Variants in GALNT18 observed in about 807,000 individuals in gnomAD.
GALNT18 encodes GalNAc-transferase 18.
GALNT18 carries 44 observed loss-of-function variants against 69.5 expected under a neutral mutation model. The ratio of observed to expected loss-of-function variants is 0.63; its 90% CI spans 0.50 to 0.81. The LOEUF (loss-of-function observed/expected upper bound fraction) is 0.81. GALNT18 is among the 40% of genes least tolerant of loss of function. The probability of loss-of-function intolerance (pLI) is 0.00; values close to 1 mark genes in which losing one functional copy is unlikely to be tolerated. For synonymous variants in GALNT18, 364 were observed against 318.2 expected (o/e 1.14, Z -1.53); for missense variants, 715 against 810.0 (o/e 0.88, Z 1.42).
At chr11:11,305,639 C>A (rs1849565092) in intron 9 of GALNT18, among the ~76,000 whole-genome samples, 2 of 152,084 alleles carry the variant, frequency 1.3e-5, no homozygotes, top group African/African-American at 2.4e-5. Context: ...ATTTACTCAT[C>A]AGTGGAAACA....
rs1202202197 is a variant in GALNT18 at position 11,497,846 on chromosome 11, C to T, written c.236-48910G>A. On this transcript the variant is annotated intron_variant, in intron 1 of 10. Transcript: ENST00000227756. This position sits in a 1 kb window ranked among gnomAD's most constrained non-coding sequence, Gnocchi z 4.2. ...TTCATGCTAATATTTTGGTGTAAGG[C>T]CAAGGCTTCTATTTGAGCTGTGTCT... Among the ~76,000 whole-genome samples the T allele has an allele frequency of 6.6e-6, 1 of 151,560 alleles. No individual in the cohort carries two copies. Among genetic ancestry groups the T allele is most frequent in the Non-Finnish European group, 1.5e-5 (1 of 67,964 alleles).
intron 6 of GALNT18, among the ~76,000 whole-genome samples, chr11:11,370,214 G>A (rs1850867662): frequency 6.6e-6 from 1 of 152,210 alleles, no homozygotes; most frequent in Non-Finnish European, 1.5e-5. Flanking sequence ...TTCCAGATAG[G>A]TAAGGACTTT....
intron 1 of GALNT18, among the ~76,000 whole-genome samples, chr11:11,512,776 C>T (rs913327790): frequency 1.3e-5 from 2 of 152,170 alleles, no homozygotes; most frequent in African/African-American, 4.8e-5. Context: ...TATTACCATG[C>T]TCTGCTACTC....
chr11:11,457,992 A>G (rs1855960595), intron 1 of GALNT18, among the ~76,000 whole-genome samples: 1 of 152,182 alleles, frequency 6.6e-6, no homozygotes, highest in African/African-American at 2.4e-5. Flanking sequence ...GGTGCCAGGT[A>G]TCTGTCTGCC....
chr11:11,607,289 G>A (rs1432074164), intron 1 of GALNT18, among the ~76,000 whole-genome samples: 1 of 152,066 alleles, frequency 6.6e-6, no homozygotes. Context: ...TATTTTTATT[G>A]TTTCATTAAA....
At chr11:11,384,947 C>A (rs1854013167) in intron 3 of GALNT18, among the ~76,000 whole-genome samples, 1 of 152,146 alleles carries the variant, frequency 6.6e-6, no homozygotes, top group Admixed American at 6.5e-5. Context: ...TAAACAAATA[C>A]CTGAGGCTGG....
intron 1 of GALNT18, among the ~76,000 whole-genome samples, chr11:11,521,214 G>C (rs1403340246): frequency 6.6e-6 from 1 of 152,014 alleles, no homozygotes; most frequent in Non-Finnish European, 1.5e-5. Flanking sequence ...CACCTCACTA[G>C]CGAGCTAGAA....
intron 3 of GALNT18, among the ~76,000 whole-genome samples, chr11:11,412,477 G>C (rs150935505): frequency 2.0e-5 from 3 of 152,228 alleles, no homozygotes; most frequent in African/African-American, 7.2e-5. Context: ...TCATCAGATG[G>C]CCCTACTCTG....
chr11:11,292,974 A>C, intron 10 of GALNT18, 55 bp downstream of exon 10: 1 of 1,328,428 alleles, frequency 7.5e-7, no homozygotes, highest in Non-Finnish European at 9.7e-7. Flanking sequence ...CCCTGAGGCC[A>C]CTCTCCTGGT....
chr11:11,558,948 A>G (rs946402054), intron 1 of GALNT18, among the ~76,000 whole-genome samples: 2 of 152,246 alleles, frequency 1.3e-5, no homozygotes, highest in Non-Finnish European at 2.9e-5. Flanking sequence ...GAGGCTGCAC[A>G]GCACAGGAGT....
intron 6 of GALNT18, among the ~76,000 whole-genome samples, chr11:11,355,129 C>T (rs530836282): frequency 6.6e-6 from 1 of 152,294 alleles, no homozygotes; most frequent in Admixed American, 6.5e-5. Flanking sequence ...CCCTCCAATC[C>T]ACTTTTTAAA....
rs1037852615 is a variant in GALNT18, at chr11:11,540,888, G to A, written c.235+80471C>T. 6.6e-6 allele frequency among the ~76,000 whole-genome samples: 1 copy of A among 152,174 alleles called. No individual in the cohort carries two copies. Among genetic ancestry groups the A allele is most frequent in the African/African-American group, 2.4e-5 (1 of 41,452 alleles). ...TATTCAGACACTGGGTTGTCAGAAG[G>A]AAAATGGGTTAGAAAATCCTCCCAG... On this transcript the variant is annotated intron_variant, in intron 1 of 10. Coordinates refer to ENST00000227756, the MANE Select transcript of GALNT18 (RefSeq NM_198516.3). This position sits in a 1 kb window ranked among gnomAD's most constrained non-coding sequence, Gnocchi z 4.6.
chr11:11,531,465 G>T (rs961020215), intron 1 of GALNT18, among the ~76,000 whole-genome samples: 1 of 152,208 alleles, frequency 6.6e-6, no homozygotes, highest in Non-Finnish European at 1.5e-5. Context: ...CATCGGGCTG[G>T]TTACTCTCCC....
intron 9 of GALNT18, among the ~76,000 whole-genome samples, chr11:11,311,095 G>C (rs2133029132): frequency 6.6e-6 from 1 of 152,264 alleles, no homozygotes; most frequent in East Asian, 1.9e-4. Flanking sequence ...GACACTGCTG[G>C]TGTCAGGGTC....
chr11:11,277,326 G>C (rs1330100169), intron 10 of GALNT18, among the ~76,000 whole-genome samples: 1 of 152,168 alleles, frequency 6.6e-6, no homozygotes, highest in African/African-American at 2.4e-5. Flanking sequence ...TCTGATGGTA[G>C]TTTGTATTTC....
rs73409867 is a variant in GALNT18 at position 11,566,958 on chromosome 11, A to C, written c.235+54401T>G. On this transcript the variant is annotated intron_variant, in intron 1 of 10. Transcript: ENST00000227756. Reference sequence around the variant, plus strand: ...AGAAGGTCATTTGAATGGGAAAATGAGTGCAGCTTCCTGGATCCTGCTTAG... The same window carrying C: ...AGAAGGTCATTTGAATGGGAAAATGCGTGCAGCTTCCTGGATCCTGCTTAG... 7.7e-3 allele frequency among the ~76,000 whole-genome samples: 1,177 copies of C among 152,310 alleles called. 16 individuals are homozygous for C. Among genetic ancestry groups the C allele is most frequent in the African/African-American group, 0.027 (1,120 of 41,564 alleles).
At chr11:11,374,881 C>T (rs1332553719) in intron 5 of GALNT18, among the ~76,000 whole-genome samples, 1 of 152,178 alleles carries the variant, frequency 6.6e-6, no homozygotes, top group Non-Finnish European at 1.5e-5. Context: ...GAAAGCTTGC[C>T]TTTGAGTTTC....
In GALNT18 at chr11:11,586,835, A is replaced by AC. The variant is rs201763974; in HGVS notation, c.235+34523_235+34524insG. ...CTAAAAACACACACACACACACACA[A>AC]AAAAAAGCCAGGTGTGGTGGCGGGC... On this transcript the variant is annotated intron_variant, in intron 1 of 10. Transcript: ENST00000227756. The surrounding 1 kb of genome is among the most constrained non-coding windows in gnomAD (Gnocchi z 4.1). 0.042 allele frequency among the ~76,000 whole-genome samples: 2,728 copies of AC among 65,682 alleles called. 80 individuals carry two copies. Among genetic ancestry groups the AC allele is most frequent in the African/African-American group, 0.099 (2,516 of 25,458 alleles). 43.1% of individuals were successfully genotyped at this position (65,682 alleles called of 152,430 possible). A position where few individuals can be genotyped will look rare whatever the true frequency, so the allele number is the denominator to read the frequency against.
At position 11,542,322 on chromosome 11, in the gene GALNT18, C is replaced by G. The variant is rs541711930; in HGVS notation, c.235+79037G>C. Among the ~76,000 whole-genome samples the G allele has an allele frequency of 1.3e-5, 2 of 152,316 alleles. No individual in the cohort carries two copies. The highest frequency in any genetic ancestry group is 4.1e-4 in the South Asian group (2 of 4,820). ...CCTACCAGATAGAGCAAGCCATGGACAGACGCCTCCATGCTACCATAGCAA... is the reference window on the plus strand; with the variant it reads ...CCTACCAGATAGAGCAAGCCATGGAGAGACGCCTCCATGCTACCATAGCAA... On this transcript the variant is annotated intron_variant, in intron 1 of 10. Coordinates refer to ENST00000227756, the MANE Select transcript of GALNT18 (RefSeq NM_198516.3). The surrounding 1 kb of genome is among the most constrained non-coding windows in gnomAD (Gnocchi z 4.3).
Sources: allele counts gnomAD v4.1 joint callset (sites outside exome capture counted in the v4.1 genomes callset), GRCh38; gene constraint gnomAD v4.1.1; non-coding constraint Gnocchi (gnomAD v3.1); transcripts MANE v1.5; gene names NCBI Gene and HGNC (gene_info 2026-07-23, HGNC 2026-07-21).